Variants in SPOCK1 observed in about 807,000 individuals in gnomAD.
SPOCK1 encodes the protein testican-1.
Under a neutral mutation model 55.3 loss-of-function variants are expected in SPOCK1, and 23 were observed. That is an observed-to-expected ratio of 0.42 (90% CI 0.30 to 0.59). The LOEUF is 0.59. Among genes scored for constraint, SPOCK1 ranks in the 20% least tolerant of loss-of-function variants. SPOCK1 has a pLI of 0.22. For missense variants in SPOCK1, 499 were observed against 552.5 expected (o/e 0.90, Z 0.97); for synonymous variants, 226 against 221.0 (o/e 1.02, Z -0.20).
intron 2 of SPOCK1, among the ~76,000 whole-genome samples, chr5:137,308,553 C>T (rs1250899286): frequency 1.3e-5 from 2 of 152,206 alleles, no homozygotes; most frequent in East Asian, 1.9e-4. Context: ...AGCATATCTG[C>T]GGTTCCAGCT....
At chr5:137,088,424 T>C (rs1478269690) in intron 5 of SPOCK1, among the ~76,000 whole-genome samples, 2 of 152,238 alleles carry the variant, frequency 1.3e-5, no homozygotes, top group African/African-American at 4.8e-5. Flanking sequence ...ATCTCCCATA[T>C]GGGTTTGTTT....
chr5:136,996,062 T>C (rs1487674988), intron 6 of SPOCK1, among the ~76,000 whole-genome samples: 2 of 152,082 alleles, frequency 1.3e-5, no homozygotes, highest in African/African-American at 4.8e-5. Context: ...TTGTTCAAAT[T>C]TGGTATTCTA....
chr5:137,022,257 C>T (rs1751592252), intron 6 of SPOCK1, among the ~76,000 whole-genome samples: 1 of 152,078 alleles, frequency 6.6e-6, no homozygotes, highest in Non-Finnish European at 1.5e-5. Flanking sequence ...CCCAAGAGAC[C>T]ACAAGTGGGT....
intron 3 of SPOCK1, among the ~76,000 whole-genome samples, chr5:137,234,577 C>T (rs1310639676): frequency 6.6e-6 from 1 of 152,170 alleles, no homozygotes; most frequent in Non-Finnish European, 1.5e-5. Context: ...TATCATATCC[C>T]ATTGTATCTT....
intron 3 of SPOCK1, among the ~76,000 whole-genome samples, chr5:137,257,268 T>G (rs565020712): frequency 3.0e-4 from 45 of 152,358 alleles, no homozygotes; most frequent in African/African-American, 1.0e-3. Context: ...GCATCCCATC[T>G]GCATTGAACT....
chr5:137,119,423 G>T (rs77893785), intron 4 of SPOCK1, among the ~76,000 whole-genome samples: 1 of 152,196 alleles, frequency 6.6e-6, no homozygotes, highest in Non-Finnish European at 1.5e-5. Context: ...TGTTGTTAGG[G>T]TTATTTGAGT....
chr5:137,374,741 C>A (rs971620233), intron 2 of SPOCK1, among the ~76,000 whole-genome samples: 1 of 152,150 alleles, frequency 6.6e-6, no homozygotes, highest in Non-Finnish European at 1.5e-5. Context: ...CCTTGCACTG[C>A]ATTTCTTAAT....
rs146249636 is a variant in SPOCK1 at position 137,392,643 on chromosome 5, G to C, written c.186+105730C>G. Among the ~76,000 whole-genome samples, 8 of 152,228 alleles carry C rather than the reference G, an allele frequency of 5.3e-5. No homozygotes were observed. In the East Asian group the frequency reaches 1.5e-3, roughly 29 times the overall value. ...GCCTCTGTTTTCTTATCTGTAAAAG[G>C]GGATAATACGAGTACTGTTCTGAGG... is the stretch of plus-strand genomic sequence containing the variant. On this transcript the variant is annotated intron_variant, in intron 2 of 10. Coordinates refer to ENST00000394945, the MANE Select transcript of SPOCK1 (RefSeq NM_004598.4).
intron 2 of SPOCK1, among the ~76,000 whole-genome samples, chr5:137,384,423 A>C (rs1344710850): frequency 6.6e-6 from 1 of 152,288 alleles, no homozygotes; most frequent in Admixed American, 6.5e-5. Context: ...GTATGCCACC[A>C]TGGACAACTA....
chr5:137,086,698 C>T (rs891808896), intron 5 of SPOCK1, among the ~76,000 whole-genome samples: 2 of 152,212 alleles, frequency 1.3e-5, no homozygotes, highest in African/African-American at 4.8e-5. Flanking sequence ...CCTGATGTCA[C>T]TAGTCACTGA....
intron 2 of SPOCK1, among the ~76,000 whole-genome samples, chr5:137,277,189 A>AT (rs1347971240): frequency 6.6e-6 from 1 of 151,974 alleles, no homozygotes; most frequent in Non-Finnish European, 1.5e-5. Context: ...TAATTTTTAA[A>AT]TTTTTTGTAG....
chr5:137,311,404 G>A (rs1206310633), intron 2 of SPOCK1, among the ~76,000 whole-genome samples: 3 of 152,138 alleles, frequency 2.0e-5, no homozygotes, highest in Admixed American at 2.0e-4. Flanking sequence ...AAACCACCTG[G>A]GGAGTATTAA....
At chr5:137,425,607 A>C (rs547883283) in intron 2 of SPOCK1, among the ~76,000 whole-genome samples, 54 of 152,328 alleles carry the variant, frequency 3.5e-4, no homozygotes, top group African/African-American at 1.3e-3. Context: ...TGCTGATCAC[A>C]CATCTACAAC....
At chr5:137,372,930 T>C (rs17171376) in intron 2 of SPOCK1, among the ~76,000 whole-genome samples, 10,210 of 152,302 alleles carry the variant, frequency 0.067, 647 homozygotes, top group African/African-American at 0.17. Flanking sequence ...GTTTGTGGTA[T>C]GATGACATTG....
chr5:137,044,298 C>T (rs978547649), intron 6 of SPOCK1, among the ~76,000 whole-genome samples: 8 of 152,164 alleles, frequency 5.3e-5, no homozygotes, highest in South Asian at 2.1e-4. Context: ...CCAGCAACAT[C>T]GGAAATTACC....
chr5:137,121,925 T>C (rs970319735), intron 4 of SPOCK1, among the ~76,000 whole-genome samples: 4 of 146,158 alleles, frequency 2.7e-5, no homozygotes, highest in Non-Finnish European at 1.5e-5. Flanking sequence ...ATAATACTGT[T>C]ATTATATAAC....
chr5:137,204,348 A>C (rs377490136), intron 3 of SPOCK1, among the ~76,000 whole-genome samples: 15 of 151,982 alleles, frequency 9.9e-5, no homozygotes, highest in African/African-American at 3.6e-4. Flanking sequence ...ATGCATCCCC[A>C]CTCTGTGTCT....
chr5:137,209,742 A>C (rs1755577729), intron 3 of SPOCK1, among the ~76,000 whole-genome samples: 1 of 152,252 alleles, frequency 6.6e-6, no homozygotes, highest in South Asian at 2.1e-4. Flanking sequence ...ATTAGAAGGT[A>C]GAAAATTGAT....
chr5:137,123,907 A>T (rs892743149), intron 4 of SPOCK1, among the ~76,000 whole-genome samples: 2 of 152,176 alleles, frequency 1.3e-5, no homozygotes, highest in African/African-American at 4.8e-5. Context: ...CAAGGGGGTC[A>T]AAATACCCAC....
Sources: gnomAD v4.1 joint callset for allele counts (sites outside exome capture counted in the v4.1 genomes callset) on GRCh38, gnomAD v4.1.1 for gene constraint, MANE v1.5 for transcripts, NCBI Gene and HGNC (gene_info 2026-07-23, HGNC 2026-07-21) for gene names.